The following IPO5 variants were observed in gnomAD, a reference collection of about 807,000 sequenced individuals.
The protein encoded by IPO5 is importin-5.
IPO5 carries 18 observed loss-of-function variants against 143.3 expected under a neutral mutation model. The ratio of observed to expected loss-of-function variants is 0.13; its 90% CI spans 0.09 to 0.19. The LOEUF (loss-of-function observed/expected upper bound fraction) is 0.19, where lower values mean the gene tolerates loss of function less well. IPO5 is among the 10% of genes least tolerant of loss of function. The probability of loss-of-function intolerance (pLI) is 1.00; values close to 1 mark genes in which losing one functional copy is unlikely to be tolerated. For synonymous variants in IPO5, 477 were observed against 465.7 expected (o/e 1.02, Z -0.31); for missense variants, 1,013 against 1,336.9 (o/e 0.76, Z 3.78).
intron 3 of IPO5, among the ~76,000 whole-genome samples, chr13:97,974,845 C>T (rs950091169): frequency 1.2e-4 from 19 of 152,062 alleles, no homozygotes; most frequent in African/African-American, 4.6e-4. Context: ...TGTAGAGAAC[C>T]CATCATTGTC....
At position 98,021,980 on chromosome 13, in the gene IPO5, C is replaced by G; in HGVS notation, c.*158C>G. The G allele has an allele frequency of 2.3e-6, 1 of 432,868 alleles. No individual in the cohort carries two copies. The highest frequency in any genetic ancestry group is 4.1e-6 in the Non-Finnish European group (1 of 242,154). The allele number at this position is 432,868 out of a possible 1,614,324, so 26.8% of individuals were successfully genotyped here. A position where few individuals can be genotyped will look rare whatever the true frequency, so the allele number is the denominator to read the frequency against. On this transcript the variant is annotated 3_prime_UTR_variant, in exon 29 of 29. Transcript: ENST00000651721. ...AAGCAGGAAGAGCAGCGCTGTGTTGCAGAATGGAGTTTCCATGGATTTCTA... is the reference window on the plus strand; with the variant it reads ...AAGCAGGAAGAGCAGCGCTGTGTTGGAGAATGGAGTTTCCATGGATTTCTA...
Position 98,008,103 on chromosome 13 carries a change from C to A in IPO5, c.1761C>A (p.Thr587=), listed in dbSNP as rs549389309. The change falls in exon 18 of 29, where the codon ACC becomes ACA. Residue 587 remains threonine, a synonymous_variant. Coordinates refer to ENST00000651721, the MANE Select transcript of IPO5 (RefSeq NM_002271.6). ...ATGTGATGCAGCTTTTGTTAAAGACCCAGACAGACTTCAATGATATGGAAG... is the reference window on the plus strand; with the variant it reads ...ATGTGATGCAGCTTTTGTTAAAGACACAGACAGACTTCAATGATATGGAAG... ...ASDVMQLLLK[T]QTDFNDMEDD... 7.4e-6 allele frequency: 12 copies of A among 1,611,814 alleles called. No individual in the cohort carries two copies. In the East Asian group the frequency reaches 2.7e-4, roughly 36 times the overall value.
At chr13:98,000,153 C>T (rs561810769) in intron 12 of IPO5, among the ~76,000 whole-genome samples, 13 of 152,100 alleles carry the variant, frequency 8.5e-5, no homozygotes, top group African/African-American at 2.2e-4. Context: ...GGCGTGGTGG[C>T]GGGCACCTGT....
intron 2 of IPO5, among the ~76,000 whole-genome samples, chr13:97,969,004 A>T (rs1885577547): frequency 6.6e-6 from 1 of 151,158 alleles, no homozygotes; most frequent in Non-Finnish European, 1.5e-5. Flanking sequence ...TTGTATTTTT[A>T]GTAAAAACGG....
intron 4 of IPO5, among the ~76,000 whole-genome samples, chr13:97,977,596 TC>T (rs1280372350): frequency 6.6e-6 from 1 of 152,200 alleles, no homozygotes; most frequent in Admixed American, 6.5e-5. Context: ...AACCGTAATC[TC>T]TTTTTTTCAA....
intron 22 of IPO5, among the ~76,000 whole-genome samples, chr13:98,015,250 G>GTGTGTA (rs1890046459): frequency 6.6e-6 from 1 of 151,362 alleles, no homozygotes; most frequent in Non-Finnish European, 1.5e-5. Flanking sequence ...GGTTGTGTGT[G>GTGTGTA]TGTGTGTGTG....
At chr13:97,968,932 A>G (rs900350118) in intron 2 of IPO5, among the ~76,000 whole-genome samples, 1 of 150,344 alleles carries the variant, frequency 6.7e-6, no homozygotes. Flanking sequence ...CAAGTGATCC[A>G]CCCACCCTGG....
chr13:98,014,320 C>G lies in IPO5; in HGVS notation c.2325+106C>G. 2 of 795,284 alleles carry G rather than the reference C, an allele frequency of 2.5e-6. 1 individual carries two copies. Among genetic ancestry groups the G allele is most frequent in the East Asian group, 5.6e-5 (2 of 35,768 alleles). The allele number at this position is 795,284 out of a possible 1,614,324, so 49.3% of individuals were successfully genotyped here. A position where few individuals can be genotyped will look rare whatever the true frequency, so the allele number is the denominator to read the frequency against. On this transcript the variant is annotated intron_variant, in intron 22 of 28. Coordinates refer to ENST00000651721, the MANE Select transcript of IPO5 (RefSeq NM_002271.6). ...TGAGACAGGGTATTGCTCTGTCACC[C>G]AGGCTGGAGTGCAGTGGCGCAATCG...
chr13:97,987,372 C>CTTACTACAT (rs900926360), intron 6 of IPO5, among the ~76,000 whole-genome samples: 3 of 151,934 alleles, frequency 2.0e-5, no homozygotes, highest in Non-Finnish European at 4.4e-5. Flanking sequence ...ATTGATTGAG[C>CTTACTACAT]TTACTACATT....
chr13:98,005,060 C>CT (rs1889104452), intron 16 of IPO5, among the ~76,000 whole-genome samples: 1 of 151,964 alleles, frequency 6.6e-6, no homozygotes, highest in African/African-American at 2.4e-5. Context: ...CCACACCCGG[C>CT]TAATTTTTGT....
intron 4 of IPO5, among the ~76,000 whole-genome samples, chr13:97,981,895 C>G (rs1287722127): frequency 6.6e-6 from 1 of 152,160 alleles, no homozygotes; most frequent in Non-Finnish European, 1.5e-5. Flanking sequence ...GAGTCACAAA[C>G]CTCTTGCTAA....
intron 2 of IPO5, among the ~76,000 whole-genome samples, chr13:97,966,929 G>A (rs1039670762): frequency 6.6e-6 from 1 of 152,100 alleles, no homozygotes; most frequent in East Asian, 1.9e-4. Flanking sequence ...CCAGCTACTT[G>A]GGAGGCTGAG....
intron 2 of IPO5, 79 bp downstream of exon 2, chr13:97,954,277 C>T (rs1319096875): frequency 6.5e-6 from 1 of 153,476 alleles, no homozygotes; most frequent in South Asian, 2.0e-4. Flanking sequence ...AAACAAAAAG[C>T]TCCTGCTATT....
intron 20 of IPO5, among the ~76,000 whole-genome samples, chr13:98,011,040 G>A (rs1466922887): frequency 6.6e-6 from 1 of 151,682 alleles, no homozygotes; most frequent in Non-Finnish European, 1.5e-5. Flanking sequence ...CATGACCTGG[G>A]ATTACAGGCA....
Position 97,993,095 on chromosome 13 carries a change from T to C in IPO5, c.793-10T>C. The C allele has an allele frequency of 6.2e-7, 1 of 1,613,402 alleles. No homozygotes were observed. The highest frequency in any genetic ancestry group is 8.5e-7 in the Non-Finnish European group (1 of 1,179,432). ...ATTATTAAATGTATACAAATATGTC[T>C]TCTTTGTAGTTGTGTGGAGACACTA... On this transcript the variant is annotated splice_polypyrimidine_tract_variant and intron_variant, in intron 10 of 28. Coordinates refer to ENST00000651721, the MANE Select transcript of IPO5 (RefSeq NM_002271.6).
intron 11 of IPO5, among the ~76,000 whole-genome samples, chr13:97,994,432 T>C (rs1464570402): frequency 1.3e-5 from 2 of 152,250 alleles, no homozygotes; most frequent in African/African-American, 2.4e-5. Flanking sequence ...TCCTTAGATA[T>C]GAGAACATTT....
chr13:97,983,857 A>AT (rs58078036), intron 5 of IPO5, among the ~76,000 whole-genome samples: 49 of 138,828 alleles, frequency 3.5e-4, no homozygotes, highest in South Asian at 1.1e-3. Flanking sequence ...AAGTATCCCA[A>AT]TTTTTTTTTT....
Position 97,990,434 on chromosome 13 carries a change from T to A in IPO5, c.566T>A (p.Ile189Asn). ...QCMQDQEHPS[I>N]RTLSARATAA... is the part of the protein sequence containing the mutation. Reference sequence around the variant, plus strand: ...GACATTTTTTCCTCTTGATTTTAGATCAGGACGTTATCTGCTAGAGCTACA... The same window carrying A: ...GACATTTTTTCCTCTTGATTTTAGAACAGGACGTTATCTGCTAGAGCTACA... Residue 189 changes from isoleucine to asparagine, a missense_variant and splice_region_variant, in exon 9 of 29, where the codon ATC (isoleucine) becomes AAC (asparagine). By Grantham distance (149) the Ile-to-Asn change is moderately radical (BLOSUM62 -3). Coordinates refer to ENST00000651721, the MANE Select transcript of IPO5 (RefSeq NM_002271.6). 1 of 1,589,948 alleles carries A rather than the reference T, an allele frequency of 6.3e-7. No individual in the cohort carries two copies.
chr13:97,992,005 TAG>T (rs1390891971), intron 9 of IPO5, among the ~76,000 whole-genome samples: 2 of 152,180 alleles, frequency 1.3e-5, no homozygotes, highest in Non-Finnish European at 2.9e-5. Context: ...ACCACTGAGT[TAG>T]AGAGGATTTA....
Sources: allele counts gnomAD v4.1 joint callset (sites outside exome capture counted in the v4.1 genomes callset), GRCh38; gene constraint gnomAD v4.1.1; transcripts MANE v1.5; gene names NCBI Gene and HGNC (gene_info 2026-07-23, HGNC 2026-07-21).